Variants in HECA observed in about 807,000 individuals in gnomAD.
The protein encoded by HECA is headcase protein homolog.
HECA carries 13 observed loss-of-function variants against 37.6 expected under a neutral mutation model. The ratio of observed to expected loss-of-function variants is 0.35; its 90% CI spans 0.23 to 0.55. HECA has a LOEUF of 0.55. HECA is among the 20% of genes least tolerant of loss of function. The pLI is 0.90. For synonymous variants in HECA, 307 were observed against 291.5 expected (o/e 1.05, Z -0.54); for missense variants, 527 against 701.9 (o/e 0.75, Z 2.82).
Position 139,165,247 on chromosome 6 carries a change from A to C in HECA, c.272-1037A>C, listed in dbSNP as rs140521752. On this transcript the variant is annotated intron_variant, in intron 1 of 3. Transcript: ENST00000367658. ...ATACATACATGTCCTTTTATTTCTC[A>C]TTTTAAAAAAACAGATTTTATTTTT... 4.9e-4 allele frequency among the ~76,000 whole-genome samples: 74 copies of C among 152,288 alleles called. 1 individual carries two copies. The highest frequency in any genetic ancestry group is 1.6e-3 in the African/African-American group (65 of 41,554).
chr6:139,145,958 A>C (rs1774579394), intron 1 of HECA, among the ~76,000 whole-genome samples: 1 of 152,112 alleles, frequency 6.6e-6, no homozygotes, highest in Non-Finnish European at 1.5e-5. Context: ...GGCCAGTAAG[A>C]GATTTCAGGA....
rs758402074 is a variant in HECA, at chr6:139,166,665, C to G, written c.653C>G (p.Ala218Gly). 6.2e-7 allele frequency: 1 copy of G among 1,613,866 alleles called. No individual in the cohort carries two copies. The highest frequency in any genetic ancestry group is 8.5e-7 in the Non-Finnish European group (1 of 1,179,884). ...EKNTGRPPGE[A>G]AEEAKKCRPP... ...AACACAGGGAGGCCTCCTGGTGAGG[C>G]GGCGGAGGAGGCAAAAAAGTGCAGG... is the stretch of plus-strand genomic sequence containing the variant. Residue 218 changes from alanine (A) to glycine (G), a missense_variant, in exon 2 of 4, where the codon GCG becomes GGG. Ala to Gly is a moderately conservative substitution (Grantham distance 60, BLOSUM62 0). Transcript: ENST00000367658.
At chr6:139,145,468 A>G (rs901530492) in intron 1 of HECA, among the ~76,000 whole-genome samples, 2 of 152,250 alleles carry the variant, frequency 1.3e-5, no homozygotes, top group Admixed American at 6.5e-5. Context: ...GAAGTGTTCA[A>G]TGTAGTCATA....
intron 3 of HECA, 167 bp downstream of exon 3, chr6:139,174,706 A>G (rs1775028020): frequency 3.1e-6 from 3 of 956,388 alleles, no homozygotes; most frequent in Non-Finnish European, 4.4e-6. Context: ...CAGTCATTAA[A>G]AGGAATACTG....
In HECA at chr6:139,176,773, G is replaced by A. The variant is rs1457057662; in HGVS notation, c.1468-168G>A. 1.3e-5 allele frequency among the ~76,000 whole-genome samples: 2 copies of A among 152,188 alleles called. No individual in the cohort carries two copies. Among genetic ancestry groups the A allele is most frequent in the African/African-American group, 4.8e-5 (2 of 41,444 alleles). ...AAACAGCTAGCAGTGCTGCATATCA[G>A]GAGAGAAGTTGGGAGTCTTTCAGGT... On this transcript the variant is annotated intron_variant, in intron 3 of 3. Transcript: ENST00000367658. The surrounding 1 kb of genome is among the most constrained non-coding windows in gnomAD (Gnocchi z 4.5).
In HECA at chr6:139,135,489, A is replaced by AGCGGCGGGC. The variant is rs973998005; in HGVS notation, c.102_110dup (p.Gly37_Ala39dup). 8 of 1,193,380 alleles carry AGCGGCGGGC rather than the reference A, an allele frequency of 6.7e-6. No individual in the cohort carries two copies. The African/African-American group carries it at 1.3e-4, about 20-fold the overall frequency. The allele number at this position is 1,193,380 out of a possible 1,614,324, so 73.9% of individuals were successfully genotyped here. A position where few individuals can be genotyped will look rare whatever the true frequency, so the allele number is the denominator to read the frequency against. Reference sequence around the variant, plus strand: ...AGGAAAATGGAGCCGGGGCCCTGGCAGCGGCGGGCGCGGCGGGAGCGGCGG... The same window carrying AGCGGCGGGC: ...AGGAAAATGGAGCCGGGGCCCTGGCAGCGGCGGGCGCGGCGGGCGCGGCGGGAGCGGCGG... On this transcript the variant is annotated inframe_insertion, in exon 1 of 4. Coordinates refer to ENST00000367658, the MANE Select transcript of HECA (RefSeq NM_016217.3).
intron 1 of HECA, among the ~76,000 whole-genome samples, chr6:139,154,866 A>G (rs578185374): frequency 4.3e-4 from 65 of 152,406 alleles, no homozygotes; most frequent in African/African-American, 1.4e-3. Flanking sequence ...AAAGGAGGAC[A>G]TTAATATGGA....
At chr6:139,169,239 TGTTG>T (rs1290954279) in intron 2 of HECA, among the ~76,000 whole-genome samples, 1 of 152,000 alleles carries the variant, frequency 6.6e-6, no homozygotes, top group Non-Finnish European at 1.5e-5. Flanking sequence ...TTATTTTTTT[TGTTG>T]GAGTGGAGAA....
At position 139,177,174 on chromosome 6, in the gene HECA, A is replaced by G. The variant is rs1486737548; in HGVS notation, c.*69A>G. On this transcript the variant is annotated 3_prime_UTR_variant, in exon 4 of 4. Coordinates refer to ENST00000367658, the MANE Select transcript of HECA (RefSeq NM_016217.3). This position sits in a 1 kb window ranked among gnomAD's most constrained non-coding sequence, Gnocchi z 4.9. ...CTTTATTACATATCTTTTATAGGGA[A>G]ACATTCTGTGACATTAATTTCCTTT... is the stretch of plus-strand genomic sequence containing the variant. 2 of 687,260 alleles carry G rather than the reference A, an allele frequency of 2.9e-6. No homozygotes were observed. Among genetic ancestry groups the G allele is most frequent in the Non-Finnish European group, 5.0e-6 (2 of 400,890 alleles). The allele number at this position is 687,260 out of a possible 1,614,324, so 42.6% of individuals were successfully genotyped here.
At chr6:139,171,477 T>C (rs547771378) in intron 2 of HECA, among the ~76,000 whole-genome samples, 11 of 152,368 alleles carry the variant, frequency 7.2e-5, no homozygotes, top group South Asian at 2.1e-4. Context: ...AGAGAAGTTA[T>C]CATTGCCACA....
At chr6:139,151,594 C>T (rs180841783) in intron 1 of HECA, among the ~76,000 whole-genome samples, 46 of 152,288 alleles carry the variant, frequency 3.0e-4, no homozygotes, top group African/African-American at 1.1e-3. Context: ...TTAACTAGAG[C>T]AGATTGACTT....
Position 139,166,531 on chromosome 6 carries a change from C to G in HECA, c.519C>G (p.Phe173Leu). The G allele has an allele frequency of 6.2e-7, 1 of 1,614,258 alleles. No homozygotes were observed. Among genetic ancestry groups the G allele is most frequent in the Non-Finnish European group, 8.5e-7 (1 of 1,180,040 alleles). Residue 173 changes from phenylalanine (F) to leucine (L), a missense_variant, in exon 2 of 4, where the codon TTC becomes TTG. Phe to Leu is a conservative substitution (Grantham distance 22). Transcript: ENST00000367658. ...CAAAGAAGGGCTACGACCTGGCCTTCCGCTTCTGCTCTTGCCGCTGTGGCC... is the reference window on the plus strand; with the variant it reads ...CAAAGAAGGGCTACGACCTGGCCTTGCGCTTCTGCTCTTGCCGCTGTGGCC... ...MWTKKGYDLA[F>L]RFCSCRCGQG...
At chr6:139,136,054 C>T (rs1484011093) in intron 1 of HECA, among the ~76,000 whole-genome samples, 1 of 151,818 alleles carries the variant, frequency 6.6e-6, no homozygotes, top group Non-Finnish European at 1.5e-5. Context: ...ACTTAGGCAC[C>T]GGTTAATTCT....
intron 1 of HECA, among the ~76,000 whole-genome samples, chr6:139,143,342 G>C (rs371157378): frequency 6.6e-6 from 1 of 152,150 alleles, no homozygotes; most frequent in Non-Finnish European, 1.5e-5. Context: ...TAAAAAACTT[G>C]TTAAGCCATT....
intron 1 of HECA, among the ~76,000 whole-genome samples, chr6:139,139,489 G>A (rs1774488627): frequency 6.6e-6 from 1 of 152,242 alleles, no homozygotes; most frequent in Non-Finnish European, 1.5e-5. Flanking sequence ...AATAGCCTGA[G>A]CAGAGATACA....
At chr6:139,148,383 G>A (rs931836342) in intron 1 of HECA, among the ~76,000 whole-genome samples, 2 of 152,228 alleles carry the variant, frequency 1.3e-5, no homozygotes, top group African/African-American at 4.8e-5. Context: ...GCAACTTTGA[G>A]TTCATTTGTA....
rs1425874404 is a variant in HECA at position 139,177,156 on chromosome 6, A to T, written c.*51A>T. 5.4e-6 allele frequency: 4 copies of T among 735,726 alleles called. No individual in the cohort carries two copies. In the South Asian group the frequency reaches 6.7e-5, roughly 12 times the overall value. The allele number at this position is 735,726 out of a possible 1,614,324, so 45.6% of individuals were successfully genotyped here. On this transcript the variant is annotated 3_prime_UTR_variant, in exon 4 of 4. Transcript: ENST00000367658. This position sits in a 1 kb window ranked among gnomAD's most constrained non-coding sequence, Gnocchi z 4.9. The stretch of plus-strand genomic sequence containing the variant: ...ATTTTATTGATATTATTACTTTATT[A>T]CATATCTTTTATAGGGAAACATTCT...
chr6:139,173,846 T>G (rs1260025244), intron 2 of HECA, among the ~76,000 whole-genome samples: 1 of 152,162 alleles, frequency 6.6e-6, no homozygotes, highest in Non-Finnish European at 1.5e-5. Flanking sequence ...GTTCCTAAAT[T>G]AGATGTGGTG....
At chr6:139,175,821 C>G (rs1050564370) in intron 3 of HECA, among the ~76,000 whole-genome samples, 1 of 152,180 alleles carries the variant, frequency 6.6e-6, no homozygotes, top group Admixed American at 6.5e-5. Flanking sequence ...AGCATCCTGC[C>G]ACACCCAGCC....
Sources: gnomAD v4.1 joint callset for allele counts (sites outside exome capture counted in the v4.1 genomes callset) on GRCh38, gnomAD v4.1.1 for gene constraint, Gnocchi (gnomAD v3.1) non-coding constraint, MANE v1.5 for transcripts, NCBI Gene and HGNC (gene_info 2026-07-23, HGNC 2026-07-21) for gene names.